The following GSPT1 variants were observed in gnomAD, a reference collection of about 807,000 sequenced individuals.
GSPT1 encodes G1 to S phase transition 1, also known as eukaryotic peptide chain release factor GTP-binding subunit ERF3A.
In GSPT1, 20 loss-of-function variants were observed where a neutral mutation model predicts 72.5. That is an observed-to-expected ratio of 0.28 (90% CI 0.19 to 0.40). The LOEUF (loss-of-function observed/expected upper bound fraction) is 0.40, where lower values mean the gene tolerates loss of function less well. Among genes scored for constraint, GSPT1 ranks in the 10% least tolerant of loss-of-function variants. GSPT1 has a pLI of 1.00. For synonymous variants in GSPT1, 334 were observed against 293.5 expected, an observed-to-expected ratio of 1.14 and a Z score of -1.41; for missense variants, 580 against 811.9, an observed-to-expected ratio of 0.71 and a Z score of 3.47.
chr16:11,897,230 C>T (rs575527813), intron 3 of GSPT1, among the ~76,000 whole-genome samples: 8 of 152,266 alleles, frequency 5.3e-5, no homozygotes, highest in East Asian at 3.9e-4. Context: ...ACTTTAATCA[C>T]GCTGAGAACG....
chr16:11,915,013 T>G, intron 1 of GSPT1: 1 of 1,289,810 alleles, frequency 7.8e-7, no homozygotes, highest in Non-Finnish European at 1.0e-6. Context: ...GCTCCATCTG[T>G]CCTCATTCTG....
chr16:11,875,996 T>TA lies in GSPT1; in HGVS notation c.1693-68dup. On this transcript the variant is annotated intron_variant, in intron 13 of 14. Transcript: ENST00000434724. ...ATAAAATAATCTTTAAGAACAGGTG[T>TA]AGAAATAAAAGTGCATCACTGTTGC... is the stretch of plus-strand genomic sequence containing the variant. The TA allele has an allele frequency of 3.3e-6, 5 of 1,512,118 alleles. No homozygotes were observed. The South Asian group carries it at 5.7e-5, about 17-fold the overall frequency. The allele number at this position is 1,512,118 out of a possible 1,614,324, so 93.7% of individuals were successfully genotyped here. A position where few individuals can be genotyped will look rare whatever the true frequency, so the allele number is the denominator to read the frequency against.
At chr16:11,902,570 T>G (rs2054426016) in intron 1 of GSPT1, among the ~76,000 whole-genome samples, 2 of 150,418 alleles carry the variant, frequency 1.3e-5, no homozygotes, top group African/African-American at 4.9e-5. Flanking sequence ...GTGATACACA[T>G]GATAAACTGG....
rs1158026034 is a variant in GSPT1, at chr16:11,911,854, A to ATTTTTTTTTTTTTTTT, written c.352+3499_352+3514dup. Among the ~76,000 whole-genome samples the ATTTTTTTTTTTTTTTT allele has an allele frequency of 2.9e-4, 13 of 45,410 alleles. 3 individuals are homozygous for ATTTTTTTTTTTTTTTT. The highest frequency in any genetic ancestry group is 4.5e-4 in the Non-Finnish European group (12 of 26,442). The allele number at this position is 45,410 out of a possible 152,430, so 29.8% of individuals were successfully genotyped here. On this transcript the variant is annotated intron_variant, in intron 1 of 14. Coordinates refer to ENST00000434724, the MANE Select transcript of GSPT1 (RefSeq NM_002094.4). ...GGCATGAGCCACTGCACCCAGCTGT[A>ATTTTTTTTTTTTTTTT]TTTTTTTTTTTTTTTTTTTTTTTTT...
At chr16:11,916,138 C>G (rs1196764808), upstream of GSPT1, 25 of 382,966 alleles carry the variant, frequency 6.5e-5, no homozygotes, top group Admixed American at 9.8e-4. Context: ...CCCGCGCTAC[C>G]CCGCTGCGGT....
intron 11 of GSPT1, chr16:11,881,255 T>C (rs898017285): frequency 2.6e-5 from 4 of 152,200 alleles, no homozygotes; most frequent in African/African-American, 9.7e-5. Context: ...AGGACTAAAC[T>C]GAAGTGAGTT....
At chr16:11,894,231 C>CCTCTGATG (rs2054306856) in intron 5 of GSPT1, among the ~76,000 whole-genome samples, 1 of 145,728 alleles carries the variant, frequency 6.9e-6, no homozygotes, top group African/African-American at 2.5e-5. Flanking sequence ...CCCTCTAGGT[C>CCTCTGATG]CTCTGATGAC....
At chr16:11,893,988 C>T (rs35428752) in intron 5 of GSPT1, among the ~76,000 whole-genome samples, 1 of 151,384 alleles carries the variant, frequency 6.6e-6, no homozygotes, top group East Asian at 1.9e-4. Context: ...AACACCACCT[C>T]TACAAAAAAA....
At chr16:11,887,107 G>A (rs1163095156) in intron 7 of GSPT1, 176 bp from the exon 8 acceptor site, 6 of 552,122 alleles carry the variant, frequency 1.1e-5, no homozygotes, top group Non-Finnish European at 1.9e-5. Context: ...ACAATGTCTA[G>A]ATGCTTCCAA....
At chr16:11,910,909 C>T (rs966789457) in intron 1 of GSPT1, among the ~76,000 whole-genome samples, 2 of 152,198 alleles carry the variant, frequency 1.3e-5, no homozygotes, top group Admixed American at 1.3e-4. Context: ...ATGATGCCTT[C>T]GCTTCTTCCC....
In GSPT1 at chr16:11,877,475, TCTC is replaced by T. The variant is rs1450780607; in HGVS notation, c.1531_1533del (p.Glu511del). 1 of 1,610,020 alleles carries T rather than the reference TCTC, an allele frequency of 6.2e-7. No homozygotes were observed. Among genetic ancestry groups the T allele is most frequent in the Non-Finnish European group, 8.5e-7 (1 of 1,176,740 alleles). On this transcript the variant is annotated inframe_deletion, in exon 12 of 15. Coordinates refer to ENST00000434724, the MANE Select transcript of GSPT1 (RefSeq NM_002094.4). The surrounding 1 kb of genome is among the most constrained non-coding windows in gnomAD (Gnocchi z 4.0). ...TCACAAAGTATAAACCCTGGAAGAA[TCTC>T]CTCTTCTTCAATTCCTTTCAGTCTG...
chr16:11,889,965 CTTTTTTT>C (rs78081535), intron 6 of GSPT1, among the ~76,000 whole-genome samples: 46 of 137,682 alleles, frequency 3.3e-4, no homozygotes, highest in African/African-American at 4.0e-4. Flanking sequence ...TTCCTTTTTT[CTTTTTTT>C]TTTTTTGACA....
intron 4 of GSPT1, among the ~76,000 whole-genome samples, chr16:11,896,177 C>A (rs1001286325): frequency 6.6e-6 from 1 of 152,168 alleles, no homozygotes; most frequent in African/African-American, 2.4e-5. Flanking sequence ...TCCTGCTTCA[C>A]ACAAAATTAT....
intron 1 of GSPT1, among the ~76,000 whole-genome samples, chr16:11,904,656 G>A (rs1487013872): frequency 6.6e-6 from 1 of 151,612 alleles, no homozygotes; most frequent in African/African-American, 2.4e-5. Flanking sequence ...CAGACATCAT[G>A]GCAGGTAAAA....
Position 11,915,943 on chromosome 16 carries a change from T to A in GSPT1, c.-223A>T, listed in dbSNP as rs752734854. 1.1e-5 allele frequency: 8 copies of A among 744,546 alleles called. No homozygotes were observed. Among genetic ancestry groups the A allele is most frequent in the East Asian group, 2.6e-5 (1 of 38,572 alleles). The allele number at this position is 744,546 out of a possible 1,614,324, so 46.1% of individuals were successfully genotyped here. ...GGCGGCGGCAGCTCAACCCTCCTCC[T>A]CGTGTGTGTGAGCGGATCTCCTCCC... On this transcript the variant is annotated 5_prime_UTR_variant, in exon 1 of 15. Coordinates refer to ENST00000434724, the MANE Select transcript of GSPT1 (RefSeq NM_002094.4).
At chr16:11,892,533 A>AAAT in intron 5 of GSPT1, among the ~76,000 whole-genome samples, 1 of 131,290 alleles carries the variant, frequency 7.6e-6, no homozygotes, top group African/African-American at 3.5e-5. Context: ...CAAAAAAAAC[A>AAAT]AAAAATAAAA....
intron 5 of GSPT1, among the ~76,000 whole-genome samples, chr16:11,893,344 T>C (rs1295867473): frequency 2.6e-5 from 4 of 152,114 alleles, no homozygotes; most frequent in African/African-American, 7.2e-5. Flanking sequence ...CTGGCTCTTC[T>C]TGAAGCCTGG....
Position 11,915,513 on chromosome 16 carries a change from T to A in GSPT1, c.208A>T (p.Asn70Tyr). The A allele has an allele frequency of 6.5e-7, 1 of 1,538,170 alleles. No individual in the cohort carries two copies. The highest frequency in any genetic ancestry group is 8.7e-7 in the Non-Finnish European group (1 of 1,144,534). ...GGCACGAAGGGCTTGGCGTTGACGT[T>A]GAGTTGCCGGCTGAAGGCCGCGCTG... ...NLSAAFSRQL[N>Y]VNAKPFVPNV... Residue 70 changes from asparagine (N) to tyrosine (Y), a missense_variant, in exon 1 of 15, where the codon AAC becomes TAC. Asn to Tyr is a moderately radical substitution (Grantham distance 143). This residue lies in a region of GSPT1 where 327 missense variants were observed against 298.8 expected (regional missense o/e 1.09). Coordinates refer to ENST00000434724, the MANE Select transcript of GSPT1 (RefSeq NM_002094.4).
chr16:11,899,315 C>T (rs768561780), intron 1 of GSPT1, among the ~76,000 whole-genome samples: 11 of 151,632 alleles, frequency 7.3e-5, no homozygotes, highest in Admixed American at 3.3e-4. Context: ...AGGTAAAGGA[C>T]AACCAAATTG....
Sources: allele counts gnomAD v4.1 joint callset (sites outside exome capture counted in the v4.1 genomes callset), GRCh38; gene constraint gnomAD v4.1.1; regional missense constraint gnomAD v4.1.1; non-coding constraint Gnocchi (gnomAD v3.1); transcripts MANE v1.5; gene names NCBI Gene and HGNC (gene_info 2026-07-23, HGNC 2026-07-21).